Variants in SHTN1 observed in about 807,000 individuals in gnomAD.
SHTN1 encodes the protein shootin 1.
SHTN1 carries 42 observed loss-of-function variants against 83.1 expected under a neutral mutation model. That is an observed-to-expected ratio of 0.51 (90% CI 0.39 to 0.65). The LOEUF is 0.65. Among genes scored for constraint, SHTN1 ranks in the 30% least tolerant of loss-of-function variants. The pLI, the probability that SHTN1 is intolerant of heterozygous loss-of-function variation, is 0.00. For missense variants in SHTN1, 622 were observed against 737.8 expected (o/e 0.84, Z 1.82); for synonymous variants, 224 against 247.7 (o/e 0.90, Z 0.90).
At chr10:117,087,843 G>GT (rs1853372075) in intron 1 of SHTN1, among the ~76,000 whole-genome samples, 1 of 152,254 alleles carries the variant, frequency 6.6e-6, no homozygotes, top group African/African-American at 2.4e-5. Context: ...ACTTGACTGG[G>GT]TATAGTCCCG....
At chr10:116,908,494 T>C (rs1302660358) in intron 14 of SHTN1, among the ~76,000 whole-genome samples, 1 of 152,138 alleles carries the variant, frequency 6.6e-6, no homozygotes, top group Non-Finnish European at 1.5e-5. Context: ...ACAACAACTA[T>C]TCCCATATCA....
chr10:116,922,927 T>C (rs1418159405), intron 11 of SHTN1, among the ~76,000 whole-genome samples: 1 of 151,500 alleles, frequency 6.6e-6, no homozygotes, highest in Non-Finnish European at 1.5e-5. Flanking sequence ...GATCACACCA[T>C]TGCACTCCAG....
intron 9 of SHTN1, among the ~76,000 whole-genome samples, chr10:116,930,882 C>G (rs1848935802): frequency 6.6e-6 from 1 of 152,088 alleles, no homozygotes; most frequent in Admixed American, 6.5e-5. Context: ...GAAACCTTGC[C>G]AACATCTGCT....
At chr10:117,114,042 G>A (rs536816413) in intron 1 of SHTN1, among the ~76,000 whole-genome samples, 14 of 152,006 alleles carry the variant, frequency 9.2e-5, no homozygotes, top group South Asian at 4.2e-4. Flanking sequence ...GCGAGACTCC[G>A]TCTCAAAAAT....
intron 12 of SHTN1, among the ~76,000 whole-genome samples, chr10:116,917,293 C>G (rs569502067): frequency 6.6e-6 from 1 of 152,096 alleles, no homozygotes; most frequent in Non-Finnish European, 1.5e-5. Context: ...GGGATTTATT[C>G]CTGAGAATTT....
rs1380462094 is a variant in SHTN1 at position 116,884,748 on chromosome 10, G to A, written c.*1596C>T. 6.4e-6 allele frequency: 1 copy of A among 155,956 alleles called. No individual in the cohort carries two copies. The highest frequency in any genetic ancestry group is 1.4e-5 in the Non-Finnish European group (1 of 70,120). 9.7% of individuals were successfully genotyped at this position (155,956 alleles called of 1,614,324 possible). ...ACAATTTTCTATTAAAGAATGTCAAGCTTGGGGAACTAAACCAGAAACGTT... is the reference window on the plus strand; with the variant it reads ...ACAATTTTCTATTAAAGAATGTCAAACTTGGGGAACTAAACCAGAAACGTT... On this transcript the variant is annotated 3_prime_UTR_variant, in exon 17 of 17. Coordinates refer to ENST00000355371, the MANE Select transcript of SHTN1 (RefSeq NM_001127211.3).
At chr10:116,983,923 T>C (rs986121601) in intron 1 of SHTN1, among the ~76,000 whole-genome samples, 1 of 152,148 alleles carries the variant, frequency 6.6e-6, no homozygotes, top group Non-Finnish European at 1.5e-5. Flanking sequence ...ATTTTCTAAC[T>C]CCTCAGTGCC....
intron 2 of SHTN1, among the ~76,000 whole-genome samples, chr10:117,028,258 T>C (rs979889578): frequency 6.6e-6 from 1 of 152,186 alleles, no homozygotes; most frequent in African/African-American, 2.4e-5. Context: ...TCTAATAGCC[T>C]TTGTTCATAT....
At chr10:116,972,836 C>T (rs1473913543) in intron 2 of SHTN1, among the ~76,000 whole-genome samples, 4 of 152,226 alleles carry the variant, frequency 2.6e-5, no homozygotes, top group African/African-American at 9.6e-5. Context: ...TACATCGACT[C>T]TAGAGTCTCT....
intron 2 of SHTN1, among the ~76,000 whole-genome samples, chr10:117,026,572 A>G (rs1441803020): frequency 6.6e-6 from 1 of 152,078 alleles, no homozygotes; most frequent in East Asian, 1.9e-4. Context: ...ACAGGTGTGC[A>G]CCACTATGCC....
intron 1 of SHTN1, among the ~76,000 whole-genome samples, chr10:117,098,396 CAAAAAAAAAAA>C (rs11321262): frequency 3.3e-5 from 2 of 61,070 alleles, no homozygotes; most frequent in South Asian, 6.0e-4. Context: ...CACTCCGTCT[CAAAAAAAAAAA>C]AAAAAAAAAA....
Position 117,123,907 on chromosome 10 carries a change from CAAAAAA to C in SHTN1, c.-189+2394_-189+2399del, listed in dbSNP as rs368750401. Among the ~76,000 whole-genome samples, 3 of 81,386 alleles carry C rather than the reference CAAAAAA, an allele frequency of 3.7e-5. No individual in the cohort carries two copies. The Admixed American group carries it at 3.7e-4, about 10-fold the overall frequency. The allele number at this position is 81,386 out of a possible 152,430, so 53.4% of individuals were successfully genotyped here. A position where few individuals can be genotyped will look rare whatever the true frequency, so the allele number is the denominator to read the frequency against. Reference sequence around the variant, plus strand: ...GGTGACAGAACAAGACCCTGTCTCACAAAAAAAAAAAAAAAAATTGCTGGCCAGGCA... The same window carrying C: ...GGTGACAGAACAAGACCCTGTCTCACAAAAAAAAAAATTGCTGGCCAGGCA... On this transcript the variant is annotated intron_variant, in intron 1 of 17. Transcript: ENST00000392901.
chr10:117,111,541 C>T (rs555998488), intron 1 of SHTN1, among the ~76,000 whole-genome samples: 29 of 152,152 alleles, frequency 1.9e-4, no homozygotes, highest in South Asian at 4.2e-4. Context: ...ATCCACCCAC[C>T]TCAGCCTCCT....
chr10:117,079,179 T>TC (rs377333865), intron 1 of SHTN1, among the ~76,000 whole-genome samples: 1 of 113,964 alleles, frequency 8.8e-6, no homozygotes, highest in African/African-American at 3.4e-5. Flanking sequence ...ATGCTATCCC[T>TC]CCCCCCCTCC....
At chr10:117,011,926 G>A (rs1852111888) in intron 2 of SHTN1, among the ~76,000 whole-genome samples, 1 of 152,104 alleles carries the variant, frequency 6.6e-6, no homozygotes, top group South Asian at 2.1e-4. Flanking sequence ...GGATCACGAA[G>A]TCAGGAGATC....
chr10:117,036,383 G>GT (rs1852497438), intron 2 of SHTN1, among the ~76,000 whole-genome samples: 1 of 152,190 alleles, frequency 6.6e-6, no homozygotes, highest in African/African-American at 2.4e-5. Context: ...TGGAAGCAAT[G>GT]TAAGTGTTCC....
chr10:117,105,575 G>A (rs1029023070), intron 1 of SHTN1, among the ~76,000 whole-genome samples: 8 of 152,170 alleles, frequency 5.3e-5, no homozygotes, highest in South Asian at 2.1e-4. Flanking sequence ...CATAGAACCC[G>A]TTTGCTACTG....
intron 1 of SHTN1, among the ~76,000 whole-genome samples, chr10:117,074,982 A>C (rs1227953118): frequency 6.6e-6 from 1 of 152,224 alleles, no homozygotes; most frequent in Non-Finnish European, 1.5e-5. Flanking sequence ...GGATTGAAAA[A>C]AAAATTAAGA....
chr10:116,915,123 C>T (rs992735297), intron 13 of SHTN1, among the ~76,000 whole-genome samples: 2 of 152,140 alleles, frequency 1.3e-5, no homozygotes, highest in African/African-American at 4.8e-5. Flanking sequence ...TTTGGTGTAA[C>T]AGTTCGTATC....
Sources: gnomAD v4.1 joint callset for allele counts (sites outside exome capture counted in the v4.1 genomes callset) on GRCh38, gnomAD v4.1.1 for gene constraint, MANE v1.5 for transcripts, NCBI Gene and HGNC (gene_info 2026-07-23, HGNC 2026-07-21) for gene names.